LSAMP: variants seen among roughly 807,000 people sequenced by gnomAD.
LSAMP encodes limbic system-associated membrane protein.
In LSAMP, 7 loss-of-function variants were observed where a neutral mutation model predicts 38.6. That is an observed-to-expected ratio of 0.18 (90% CI 0.10 to 0.34). The LOEUF (loss-of-function observed/expected upper bound fraction) is 0.34, where lower values mean the gene tolerates loss of function less well. LSAMP is among the 10% of genes least tolerant of loss of function. The pLI, the probability that LSAMP is intolerant of heterozygous loss-of-function variation, is 1.00. For synonymous variants in LSAMP, 154 were observed against 166.8 expected (o/e 0.92, Z 0.59); for missense variants, 313 against 420.0 (o/e 0.75, Z 2.23).
intron 1 of LSAMP, among the ~76,000 whole-genome samples, chr3:116,245,967 G>A (rs551079118): frequency 4.3e-4 from 66 of 152,258 alleles, no homozygotes; most frequent in African/African-American, 1.6e-3. Flanking sequence ...CTGCATTATT[G>A]CTTCACTAGT....
Position 116,131,792 on chromosome 3 carries a change from G to GAGTCCTATAACAGTAGCCTCCTAAA in LSAMP, c.156-45261_156-45237dup, listed in dbSNP as rs753855315. 8.4e-4 allele frequency among the ~76,000 whole-genome samples: 128 copies of GAGTCCTATAACAGTAGCCTCCTAAA among 151,666 alleles called. 1 individual carries two copies. Among genetic ancestry groups the GAGTCCTATAACAGTAGCCTCCTAAA allele is most frequent in the Non-Finnish European group, 1.6e-3 (109 of 67,968 alleles). ...ACAGTGTCAAACAGAGAGAGAGACTGAGTCCTATAACAGTAGCCTCCTAAA... is the reference window on the plus strand; with the variant it reads ...ACAGTGTCAAACAGAGAGAGAGACTGAGTCCTATAACAGTAGCCTCCTAAAAGTCCTATAACAGTAGCCTCCTAAA... On this transcript the variant is annotated intron_variant, in intron 1 of 6. Transcript: ENST00000490035.
chr3:116,263,839 T>C (rs751270942), intron 1 of LSAMP, among the ~76,000 whole-genome samples: 1 of 152,156 alleles, frequency 6.6e-6, no homozygotes, highest in Non-Finnish European at 1.5e-5. Context: ...TAAGAATATA[T>C]GGTAGCATAG....
intron 3 of LSAMP, among the ~76,000 whole-genome samples, chr3:115,977,657 T>C (rs1489546252): frequency 6.7e-6 from 1 of 150,226 alleles, no homozygotes; most frequent in East Asian, 2.0e-4. Context: ...AACTTAAATA[T>C]CTCCTCCTTA....
rs574825153 is a variant in LSAMP, at chr3:116,172,873, C to T, written c.156-86317G>A. On this transcript the variant is annotated intron_variant, in intron 1 of 6. Transcript: ENST00000490035. Reference sequence around the variant, plus strand: ...CATTGTTGAGTGAAGTGTTTCTTTCCCCTCTTCATGACAGGAAACATAACA... The same window carrying T: ...CATTGTTGAGTGAAGTGTTTCTTTCTCCTCTTCATGACAGGAAACATAACA... 8.6e-5 allele frequency among the ~76,000 whole-genome samples: 13 copies of T among 151,954 alleles called. No individual in the cohort carries two copies. The South Asian group carries it at 2.5e-3, about 29-fold the overall frequency.
At chr3:116,292,144 T>C (rs935679259) in intron 1 of LSAMP, among the ~76,000 whole-genome samples, 5 of 152,340 alleles carry the variant, frequency 3.3e-5, no homozygotes, top group African/African-American at 9.6e-5. Context: ...ATTTATTTCA[T>C]TTCTGCAGTT....
At chr3:115,909,070 G>A (rs1937077957) in intron 3 of LSAMP, among the ~76,000 whole-genome samples, 1 of 152,146 alleles carries the variant, frequency 6.6e-6, no homozygotes, top group Non-Finnish European at 1.5e-5. Context: ...CTATGTTGTT[G>A]CTATACTGCC....
intron 1 of LSAMP, among the ~76,000 whole-genome samples, chr3:116,350,424 A>G (rs1167283264): frequency 6.6e-6 from 1 of 152,082 alleles, no homozygotes; most frequent in Admixed American, 6.6e-5. Context: ...ATTAAATGGA[A>G]AATTCTAGAA....
At chr3:116,078,108 G>A (rs1248249840) in intron 2 of LSAMP, among the ~76,000 whole-genome samples, 2 of 151,966 alleles carry the variant, frequency 1.3e-5, no homozygotes, top group African/African-American at 4.8e-5. Context: ...TTTGTGGGCA[G>A]CTACTTTAAC....
intron 1 of LSAMP, among the ~76,000 whole-genome samples, chr3:116,418,388 T>C (rs1242892383): frequency 6.6e-6 from 1 of 152,208 alleles, no homozygotes; most frequent in Admixed American, 6.5e-5. Flanking sequence ...TTCCCTATTA[T>C]TTGCAAGCTT....
chr3:115,970,186 A>G (rs372062125), intron 3 of LSAMP, among the ~76,000 whole-genome samples: 3 of 152,140 alleles, frequency 2.0e-5, no homozygotes, highest in African/African-American at 7.2e-5. Flanking sequence ...AGACCATCCT[A>G]AAGAATTTAT....
At chr3:116,123,561 C>G (rs745607205) in intron 1 of LSAMP, among the ~76,000 whole-genome samples, 6 of 152,184 alleles carry the variant, frequency 3.9e-5, no homozygotes, top group Admixed American at 1.3e-4. Context: ...AGCCATTCTG[C>G]TTTAATTGCT....
At chr3:115,820,318 A>G (rs1048627682) in intron 6 of LSAMP, among the ~76,000 whole-genome samples, 2 of 151,216 alleles carry the variant, frequency 1.3e-5, no homozygotes, top group Non-Finnish European at 2.9e-5. Flanking sequence ...CACTTAACAA[A>G]TAAGTATGGC....
At chr3:116,108,497 C>T (rs1708520544) in intron 1 of LSAMP, among the ~76,000 whole-genome samples, 1 of 152,098 alleles carries the variant, frequency 6.6e-6, no homozygotes, top group Admixed American at 6.5e-5. Flanking sequence ...AGGGGAAGGA[C>T]TTACCTTCCA....
intron 3 of LSAMP, among the ~76,000 whole-genome samples, chr3:115,899,727 T>A (rs761987426): frequency 5.9e-5 from 9 of 152,196 alleles, no homozygotes; most frequent in Non-Finnish European, 1.2e-4. Flanking sequence ...AAACATCAAC[T>A]TTGCACAGTC....
At chr3:116,379,423 T>C (rs779150795) in intron 1 of LSAMP, among the ~76,000 whole-genome samples, 3 of 151,744 alleles carry the variant, frequency 2.0e-5, no homozygotes, top group Non-Finnish European at 2.9e-5. Context: ...GAGAGTAGAG[T>C]ATATATTATT....
At chr3:115,985,330 A>G (rs1216937939) in intron 3 of LSAMP, among the ~76,000 whole-genome samples, 1 of 152,222 alleles carries the variant, frequency 6.6e-6, no homozygotes, top group African/African-American at 2.4e-5. Context: ...GCCAGTTAAG[A>G]ACTAGATACA....
At chr3:115,991,053 C>T (rs1263663662) in intron 3 of LSAMP, among the ~76,000 whole-genome samples, 1 of 151,986 alleles carries the variant, frequency 6.6e-6, no homozygotes, top group East Asian at 1.9e-4. Context: ...TTCCTTCCCC[C>T]GACCCCCGGC....
chr3:115,810,431 G>A lies in LSAMP; in HGVS notation c.920-17C>T. On this transcript the variant is annotated splice_polypyrimidine_tract_variant and intron_variant, in intron 6 of 6. Transcript: ENST00000490035. ...ACCCAGGTCCTGCAGAGCAAAAGAG[G>A]AGAGAGAAAAAGAGAATGAGTTACA... 1 of 1,578,558 alleles carries A rather than the reference G, an allele frequency of 6.3e-7. No individual in the cohort carries two copies. The highest frequency in any genetic ancestry group is 8.7e-7 in the Non-Finnish European group (1 of 1,149,002).
intron 1 of LSAMP, among the ~76,000 whole-genome samples, chr3:116,216,641 AAAAC>A (rs1442100496): frequency 2.6e-5 from 4 of 152,352 alleles, no homozygotes; most frequent in Non-Finnish European, 4.4e-5. Flanking sequence ...TTTAGGAAAA[AAAAC>A]TAGCAGGCAC....
Sources: allele counts gnomAD v4.1 joint callset (sites outside exome capture counted in the v4.1 genomes callset), GRCh38; gene constraint gnomAD v4.1.1; transcripts MANE v1.5; gene names NCBI Gene and HGNC (gene_info 2026-07-23, HGNC 2026-07-21).